Variants in SNX13 observed in about 807,000 individuals in gnomAD.
The protein encoded by SNX13 is sorting nexin 13.
In SNX13, 45 loss-of-function variants were observed where a neutral mutation model predicts 133.6. The ratio of observed to expected loss-of-function variants is 0.34; its 90% confidence interval spans 0.27 to 0.43. The LOEUF is 0.43. Among genes scored for constraint, SNX13 ranks in the 20% least tolerant of loss-of-function variants. SNX13 has a pLI of 1.00. For missense variants in SNX13, 1,032 were observed against 1,145.1 expected (o/e 0.90, Z 1.43); for synonymous variants, 414 against 373.9 (o/e 1.11, Z -1.24).
At position 17,873,518 on chromosome 7, in the gene SNX13, T is replaced by G. The variant is rs199966823; in HGVS notation, c.753+10A>C. 3.4e-4 allele frequency: 531 copies of G among 1,549,640 alleles called. 4 individuals carry two copies. In the East Asian group the frequency reaches 0.011, roughly 32 times the overall value. On this transcript the variant is annotated intron_variant, in intron 8 of 25. Transcript: ENST00000428135. ...TTTGCAGGTATGATATGGTATGAGTTTAAGCTTACCCTGACAAAGTATCGC... is the reference window on the plus strand; with the variant it reads ...TTTGCAGGTATGATATGGTATGAGTGTAAGCTTACCCTGACAAAGTATCGC...
At chr7:17,910,143 T>C (rs1403988824) in intron 1 of SNX13, among the ~76,000 whole-genome samples, 1 of 152,242 alleles carries the variant, frequency 6.6e-6, no homozygotes, top group African/African-American at 2.4e-5. Context: ...AGTGTTGCTA[T>C]TTCTTTTTGA....
Position 17,873,525 on chromosome 7 carries a change from T to C in SNX13, c.753+3A>G. The C allele has an allele frequency of 6.4e-7, 1 of 1,564,566 alleles. No homozygotes were observed. The highest frequency in any genetic ancestry group is 8.6e-7 in the Non-Finnish European group (1 of 1,157,072). On this transcript the variant is annotated splice_donor_region_variant and intron_variant, in intron 8 of 25. Transcript: ENST00000428135. Reference sequence around the variant, plus strand: ...GTATGATATGGTATGAGTTTAAGCTTACCCTGACAAAGTATCGCATGATCT... The same window carrying C: ...GTATGATATGGTATGAGTTTAAGCTCACCCTGACAAAGTATCGCATGATCT...
Position 17,875,772 on chromosome 7 carries a change from C to T in SNX13, c.459G>A (p.Trp153Ter). Residue 153 changes from tryptophan (W) to a stop codon, truncating the protein, a stop_gained, in exon 6 of 26, where the codon TGG becomes TGA. Transcript: ENST00000428135. LOFTEE classifies it high-confidence loss of function. The part of the protein sequence containing the change: ...QFATRSKEID[W>*]QPYFTTRIVD... Reference sequence around the variant, plus strand: ...CAATGCGTGTAGTAAAATAAGGTTGCCAGTCTATTTCTTTTGACCTTATAA... The same window carrying T: ...CAATGCGTGTAGTAAAATAAGGTTGTCAGTCTATTTCTTTTGACCTTATAA... 1 of 1,603,904 alleles carries T rather than the reference C, an allele frequency of 6.2e-7. No homozygotes were observed. The highest frequency in any genetic ancestry group is 8.5e-7 in the Non-Finnish European group (1 of 1,174,198).
At chr7:17,824,147 C>G (rs533734316) in intron 17 of SNX13, among the ~76,000 whole-genome samples, 3 of 152,038 alleles carry the variant, frequency 2.0e-5, no homozygotes, top group Non-Finnish European at 4.4e-5. Context: ...AGCAGGCGAT[C>G]TGCAAACTAT....
intron 20 of SNX13, among the ~76,000 whole-genome samples, chr7:17,811,050 C>A (rs905863072): frequency 1.3e-5 from 2 of 152,128 alleles, no homozygotes; most frequent in Non-Finnish European, 2.9e-5. Flanking sequence ...CAATATCATA[C>A]TGAATGGGCA....
chr7:17,795,232 GATT>G (rs1444802450), intron 25 of SNX13: 4 of 151,592 alleles, frequency 2.6e-5, no homozygotes, highest in African/African-American at 9.7e-5. Flanking sequence ...CAACATGTAT[GATT>G]ATTAATTATT....
At chr7:17,902,872 C>T (rs993938361) in intron 1 of SNX13, among the ~76,000 whole-genome samples, 1 of 152,098 alleles carries the variant, frequency 6.6e-6, no homozygotes, top group African/African-American at 2.4e-5. Flanking sequence ...CTCATAGGAA[C>T]GTGAAACCTA....
chr7:17,918,586 T>C (rs1322875880), intron 1 of SNX13, among the ~76,000 whole-genome samples: 1 of 152,160 alleles, frequency 6.6e-6, no homozygotes, highest in Non-Finnish European at 1.5e-5. Context: ...AAATGACTAT[T>C]ATTAAAAAGT....
intron 1 of SNX13, among the ~76,000 whole-genome samples, chr7:17,940,041 C>T (rs965234977): frequency 6.6e-6 from 1 of 152,162 alleles, no homozygotes; most frequent in Admixed American, 6.5e-5. Flanking sequence ...AGACCAGTGC[C>T]AGGGGCGAGT....
At chr7:17,912,627 G>A (rs1562513666) in intron 1 of SNX13, among the ~76,000 whole-genome samples, 1 of 152,220 alleles carries the variant, frequency 6.6e-6, no homozygotes, top group South Asian at 2.1e-4. Context: ...GGCCAGGCTG[G>A]TCTTGAACTT....
At chr7:17,918,996 AAACT>A (rs1419763001) in intron 1 of SNX13, among the ~76,000 whole-genome samples, 1 of 152,178 alleles carries the variant, frequency 6.6e-6, no homozygotes, top group African/African-American at 2.4e-5. Context: ...CAAAAACAGA[AAACT>A]AACTACCATG....
At chr7:17,809,747 G>C (rs969714165) in intron 20 of SNX13, among the ~76,000 whole-genome samples, 2 of 152,108 alleles carry the variant, frequency 1.3e-5, no homozygotes, top group Non-Finnish European at 2.9e-5. Context: ...AAATGCAAAA[G>C]AATGGAAATC....
At chr7:17,836,382 G>T (rs1178421594) in intron 13 of SNX13, among the ~76,000 whole-genome samples, 1 of 151,916 alleles carries the variant, frequency 6.6e-6, no homozygotes, top group Non-Finnish European at 1.5e-5. Context: ...AGCTGGATGT[G>T]GGTGCATGCC....
chr7:17,871,107 G>A (rs1794057176), intron 8 of SNX13, among the ~76,000 whole-genome samples: 1 of 151,842 alleles, frequency 6.6e-6, no homozygotes, highest in Non-Finnish European at 1.5e-5. Flanking sequence ...CCGGGTTCAT[G>A]CCATTCTCCT....
chr7:17,825,835 T>TA (rs1787847573), intron 17 of SNX13, among the ~76,000 whole-genome samples, 187 bp downstream of exon 17: 2 of 152,080 alleles, frequency 1.3e-5, no homozygotes, highest in Non-Finnish European at 2.9e-5. Flanking sequence ...GTGACAATCT[T>TA]AGAGAGATCA....
intron 12 of SNX13, among the ~76,000 whole-genome samples, 152 bp downstream of exon 12, chr7:17,845,443 G>C (rs1790400242): frequency 6.6e-6 from 1 of 152,060 alleles, no homozygotes; most frequent in Non-Finnish European, 1.5e-5. Context: ...AAACAGTTCT[G>C]GAGACTCTGT....
At chr7:17,796,991 ACAAGTT>A (rs1174888816) in intron 24 of SNX13, 52 bp from the exon 25 acceptor site, 1 of 1,281,962 alleles carries the variant, frequency 7.8e-7, no homozygotes, top group African/African-American at 1.5e-5. Context: ...TTCTAATGAT[ACAAGTT>A]GATAAAATTA....
At chr7:17,805,126 A>G (rs1373311178) in intron 20 of SNX13, among the ~76,000 whole-genome samples, 2 of 152,044 alleles carry the variant, frequency 1.3e-5, no homozygotes, top group Non-Finnish European at 2.9e-5. Context: ...TGGCTTGAAT[A>G]AGGATTTGAA....
chr7:17,918,113 C>G (rs2128031422), intron 1 of SNX13, among the ~76,000 whole-genome samples: 1 of 152,198 alleles, frequency 6.6e-6, no homozygotes, highest in South Asian at 2.1e-4. Flanking sequence ...ACAAAAGAAA[C>G]TGGACTACCT....
Sources: gnomAD v4.1 joint callset for allele counts (sites outside exome capture counted in the v4.1 genomes callset) on GRCh38, gnomAD v4.1.1 for gene constraint, MANE v1.5 for transcripts, NCBI Gene and HGNC (gene_info 2026-07-23, HGNC 2026-07-21) for gene names.